Variants in SESN1 observed in about 807,000 individuals in gnomAD.
The protein encoded by SESN1 is sestrin 1.
SESN1 carries 30 observed loss-of-function variants against 59.3 expected under a neutral mutation model. The observed-to-expected ratio is 0.51, with a 90% confidence interval of 0.38 to 0.69. The LOEUF (loss-of-function observed/expected upper bound fraction) is 0.69, where lower values mean the gene tolerates loss of function less well. SESN1 is among the 30% of genes least tolerant of loss of function. SESN1 has a pLI of 0.00. For missense variants in SESN1, 566 were observed against 673.0 expected (o/e 0.84, Z 1.76); for synonymous variants, 197 against 219.9 (o/e 0.90, Z 0.92).
chr6:109,036,863 A>C (rs995747396), intron 1 of SESN1, among the ~76,000 whole-genome samples: 2 of 152,206 alleles, frequency 1.3e-5, no homozygotes, highest in African/African-American at 4.8e-5. Flanking sequence ...TAATTACAGT[A>C]AAATAATAAA....
At chr6:109,008,854 C>A (rs1384292679) in intron 1 of SESN1, 3 of 985,620 alleles carry the variant, frequency 3.0e-6, no homozygotes, top group Non-Finnish European at 3.6e-6. Context: ...CAGGCAACAT[C>A]ATCTCTTCCC....
chr6:109,077,557 T>C (rs1400393773), intron 1 of SESN1, among the ~76,000 whole-genome samples: 1 of 152,174 alleles, frequency 6.6e-6, no homozygotes, highest in African/African-American at 2.4e-5. Context: ...GACAATAGTA[T>C]GGCATGAACT....
chr6:109,088,865 T>A (rs1035249271), intron 1 of SESN1, among the ~76,000 whole-genome samples: 2 of 152,162 alleles, frequency 1.3e-5, no homozygotes, highest in African/African-American at 2.4e-5. Context: ...AAACCCAGTA[T>A]AAAGCCTTGG....
Position 109,091,232 on chromosome 6 carries a change from G to A in SESN1, c.279+2563C>T, listed in dbSNP as rs1349431405. The stretch of plus-strand genomic sequence containing the variant: ...ACCATTGCATTACAATTGCCAAAGC[G>A]TATTCAGTACAGTGACACGCTGTAC... On this transcript the variant is annotated intron_variant, in intron 1 of 9. Coordinates refer to ENST00000436639, the MANE Select transcript of SESN1 (RefSeq NM_014454.3). 2.6e-5 allele frequency among the ~76,000 whole-genome samples: 4 copies of A among 152,064 alleles called. No homozygotes were observed. In the South Asian group the frequency reaches 6.2e-4, roughly 24 times the overall value.
chr6:109,090,355 A>G (rs1217359461), intron 1 of SESN1, among the ~76,000 whole-genome samples: 2 of 152,166 alleles, frequency 1.3e-5, no homozygotes, highest in Non-Finnish European at 2.9e-5. Context: ...CCCTTGAACA[A>G]CAAGGGGGTT....
At chr6:109,019,898 C>T (rs146564532) in intron 1 of SESN1, among the ~76,000 whole-genome samples, 203 of 152,174 alleles carry the variant, frequency 1.3e-3, no homozygotes, top group African/African-American at 4.6e-3. Flanking sequence ...ATCATAAATA[C>T]GCATTAAAAT....
chr6:108,994,471 A>C lies in SESN1; in HGVS notation c.1111T>G (p.Phe371Val). 1 of 1,611,794 alleles carries C rather than the reference A, an allele frequency of 6.2e-7. No individual in the cohort carries two copies. Among genetic ancestry groups the C allele is most frequent in the Non-Finnish European group, 8.5e-7 (1 of 1,178,816 alleles). ...EIEKRESMFV[F>V]SSDDEEVTPA... is the part of the protein sequence containing the mutation. Reference sequence around the variant, plus strand: ...TAATGGTTGTTCTTACCTGAAGAGAAGACAAACATACTCTCTCTTTTTTCT... The same window carrying C: ...TAATGGTTGTTCTTACCTGAAGAGACGACAAACATACTCTCTCTTTTTTCT... The change falls in exon 6 of 10, where the codon TTC (phenylalanine) becomes GTC (valine). Residue 371 changes from phenylalanine to valine, a missense_variant. Coordinates refer to ENST00000436639, the MANE Select transcript of SESN1 (RefSeq NM_014454.3).
chr6:109,074,958 T>A (rs896611106), intron 1 of SESN1, among the ~76,000 whole-genome samples: 2 of 152,294 alleles, frequency 1.3e-5, no homozygotes, highest in Non-Finnish European at 2.9e-5. Flanking sequence ...ACGAGGAAGA[T>A]GAAGAAGCTG....
In SESN1 at chr6:109,069,744, G is replaced by T. The variant is rs558806888; in HGVS notation, c.279+24051C>A. 2.9e-4 allele frequency among the ~76,000 whole-genome samples: 37 copies of T among 128,164 alleles called. 1 individual carries two copies. The highest frequency in any genetic ancestry group is 5.4e-4 in the Non-Finnish European group (35 of 64,772). The allele number at this position is 128,164 out of a possible 152,430, so 84.1% of individuals were successfully genotyped here. ...TTATTTTTTTGTTGAGATGGTGGGA[G>T]GGGGGGTCTCACTATGTTTCCCAGG... is the stretch of plus-strand genomic sequence containing the variant. On this transcript the variant is annotated intron_variant, in intron 1 of 9. Coordinates refer to ENST00000436639, the MANE Select transcript of SESN1 (RefSeq NM_014454.3).
At chr6:108,995,133 T>C (rs1401398005) in intron 5 of SESN1, among the ~76,000 whole-genome samples, 3 of 152,224 alleles carry the variant, frequency 2.0e-5, no homozygotes, top group Non-Finnish European at 4.4e-5. Flanking sequence ...AAAAAAATGA[T>C]TTTAAGAACA....
chr6:109,019,605 A>T (rs1055353993), intron 1 of SESN1, among the ~76,000 whole-genome samples: 1 of 152,210 alleles, frequency 6.6e-6, no homozygotes, highest in Admixed American at 6.5e-5. Flanking sequence ...TCCTTTAGTG[A>T]CACACATGCC....
In SESN1 at chr6:109,005,032, A is replaced by G. The variant is rs190118760; in HGVS notation, c.280-2689T>C. ...GCAATTTGTAATAGTGATCAAAATTAAAAAGTCCCATAGCCTTTGAATCAA... is the reference window on the plus strand; with the variant it reads ...GCAATTTGTAATAGTGATCAAAATTGAAAAGTCCCATAGCCTTTGAATCAA... On this transcript the variant is annotated intron_variant, in intron 1 of 9. Transcript: ENST00000436639. 1.7e-4 allele frequency among the ~76,000 whole-genome samples: 26 copies of G among 152,366 alleles called. No homozygotes were observed. The East Asian group carries it at 5.0e-3, about 29-fold the overall frequency.
intron 1 of SESN1, among the ~76,000 whole-genome samples, chr6:109,090,879 C>G (rs1007950036): frequency 1.3e-5 from 2 of 152,186 alleles, no homozygotes; most frequent in Non-Finnish European, 2.9e-5. Context: ...AAGCGATCCT[C>G]CTGCCTTAGC....
At chr6:109,090,611 G>A (rs896070935) in intron 1 of SESN1, 2 of 152,134 alleles carry the variant, frequency 1.3e-5, no homozygotes, top group Non-Finnish European at 2.9e-5. Context: ...TTAAGTGGAC[G>A]TGGATAATCA....
chr6:109,023,612 T>C lies in SESN1; in HGVS notation c.280-21269A>G, dbSNP rs548129397. Among the ~76,000 whole-genome samples, 29 of 152,328 alleles carry C rather than the reference T, an allele frequency of 1.9e-4. No individual in the cohort carries two copies. The South Asian group carries it at 6.0e-3, about 32-fold the overall frequency. ...TTGGGGAAGTATGTTTGGGGACATATGTTTATCTTACTTTGAAATTACAAC... is the reference window on the plus strand; with the variant it reads ...TTGGGGAAGTATGTTTGGGGACATACGTTTATCTTACTTTGAAATTACAAC... On this transcript the variant is annotated intron_variant, in intron 1 of 9. Transcript: ENST00000436639.
rs116316274 is a variant in SESN1, at chr6:109,016,368, T to G, written c.280-14025A>C. Among the ~76,000 whole-genome samples the G allele has an allele frequency of 7.9e-3, 1,199 of 152,308 alleles. 20 individuals carry two copies. The highest frequency in any genetic ancestry group is 0.028 in the African/African-American group (1,153 of 41,556). On this transcript the variant is annotated intron_variant, in intron 1 of 9. Transcript: ENST00000436639. ...TGCAATATGTGCTTTTCTTGCACAG[T>G]TCAAAGAACCCCTACTCAGTTCCTT...
intron 1 of SESN1, among the ~76,000 whole-genome samples, chr6:109,062,982 T>C (rs2114456526): frequency 6.6e-6 from 1 of 152,232 alleles, no homozygotes; most frequent in Admixed American, 6.5e-5. Context: ...TGAAGGTAAA[T>C]ATACAACTGC....
At chr6:109,010,775 TAC>T (rs995385955) in intron 1 of SESN1, among the ~76,000 whole-genome samples, 2 of 152,212 alleles carry the variant, frequency 1.3e-5, no homozygotes, top group Admixed American at 1.3e-4. Flanking sequence ...AAGAAAAGGC[TAC>T]AGAGGCTTCC....
In SESN1 at chr6:108,998,739, T is replaced by C; in HGVS notation, c.746A>G (p.Glu249Gly). The change falls in exon 5 of 10, where the codon GAA (glutamate) becomes GGA (glycine). Residue 249 changes from glutamate (E) to glycine (G), a missense_variant. By Grantham distance (98) the Glu-to-Gly change is moderately conservative. Transcript: ENST00000436639. ...KEHIEGLLKAEEHSWSLAELV... is the reference protein window; with the variant it reads ...KEHIEGLLKAGEHSWSLAELV... ...TTCCGCAAGGGACCAGCTGTGCTCT[T>C]CAGCTTTTAAAAGTCCCTTAGGGGG... 1 of 1,611,370 alleles carries C rather than the reference T, an allele frequency of 6.2e-7. No homozygotes were observed.
Sources: gnomAD v4.1 joint callset for allele counts (sites outside exome capture counted in the v4.1 genomes callset) on GRCh38, gnomAD v4.1.1 for gene constraint, MANE v1.5 for transcripts, NCBI Gene and HGNC (gene_info 2026-07-23, HGNC 2026-07-21) for gene names.